Variants in ARID3A observed in about 807,000 individuals in gnomAD.
The protein encoded by ARID3A is AT-rich interactive domain-containing protein 3A.
Under a neutral mutation model 52.7 loss-of-function variants are expected in ARID3A, and 11 were observed. The observed-to-expected ratio is 0.21, with a 90% confidence interval of 0.13 to 0.35. The LOEUF is 0.35. Among genes scored for constraint, ARID3A ranks in the 10% least tolerant of loss-of-function variants. The pLI is 1.00. For missense variants in ARID3A, 721 were observed against 838.5 expected (o/e 0.86, Z 1.73); for synonymous variants, 404 against 359.4 (o/e 1.12, Z -1.40).
rs191841959 is a variant in ARID3A at position 970,593 on chromosome 19, G to A, written c.1595-1285G>A. Among the ~76,000 whole-genome samples, 17 of 127,250 alleles carry A rather than the reference G, an allele frequency of 1.3e-4. No individual in the cohort carries two copies. In the East Asian group the frequency reaches 2.7e-3, roughly 21 times the overall value. 83.5% of individuals were successfully genotyped at this position (127,250 alleles called of 152,430 possible). On this transcript the variant is annotated intron_variant, in intron 8 of 8. Coordinates refer to ENST00000263620, the MANE Select transcript of ARID3A (RefSeq NM_005224.3). ...CATGATCTCAGCTCCTGCAACCTCCGCCTCCTGAGTAGCTGGGATTACAGG... is the reference window on the plus strand; with the variant it reads ...CATGATCTCAGCTCCTGCAACCTCCACCTCCTGAGTAGCTGGGATTACAGG...
intron 3 of ARID3A, among the ~76,000 whole-genome samples, chr19:957,610 A>C (rs1356276975): frequency 6.6e-6 from 1 of 152,210 alleles, no homozygotes; most frequent in East Asian, 1.9e-4. Context: ...AGAAGGCAAC[A>C]CGTGAGGATC....
At chr19:961,852 G>A (rs996528316) in intron 4 of ARID3A, 1 of 152,280 alleles carries the variant, frequency 6.6e-6, no homozygotes, top group Non-Finnish European at 1.5e-5. Context: ...CCAGGAGGCA[G>A]AGGTTGCAGT....
rs2037483530 is a variant in ARID3A at position 938,593 on chromosome 19, C to T, written c.693+5851C>T. Among the ~76,000 whole-genome samples the T allele has an allele frequency of 1.3e-5, 2 of 152,326 alleles. No individual in the cohort carries two copies. The highest frequency in any genetic ancestry group is 4.1e-4 in the South Asian group (2 of 4,828). ...TTTTGGGGAAGCTCAGCTGCCCCTC[C>T]GTTTTTCTTTTTGTCTGGAATGAAA... On this transcript the variant is annotated intron_variant, in intron 3 of 8. Transcript: ENST00000263620. This position sits in a 1 kb window ranked among gnomAD's most constrained non-coding sequence, Gnocchi z 4.0.
rs557127963 is a variant in ARID3A, at chr19:932,755, G to A, written c.693+13G>A. On this transcript the variant is annotated intron_variant, in intron 3 of 8. Transcript: ENST00000263620. ...GCAGTTTAAGCAGGTGAGTGGGCGC[G>A]TCCCGCGTGGCGGCTGAGGCACCTG... 263 of 1,546,218 alleles carry A rather than the reference G, an allele frequency of 1.7e-4. No individual in the cohort carries two copies. Among genetic ancestry groups the A allele is most frequent in the Non-Finnish European group, 2.1e-4 (235 of 1,146,240 alleles).
chr19:932,756 T>C lies in ARID3A; in HGVS notation c.693+14T>C, dbSNP rs1240498205. The C allele has an allele frequency of 5.2e-6, 8 of 1,546,326 alleles. No individual in the cohort carries two copies. In the Admixed American group the frequency reaches 5.9e-5, roughly 11 times the overall value. On this transcript the variant is annotated intron_variant, in intron 3 of 8. Transcript: ENST00000263620. ...CAGTTTAAGCAGGTGAGTGGGCGCGTCCCGCGTGGCGGCTGAGGCACCTGC... is the reference window on the plus strand; with the variant it reads ...CAGTTTAAGCAGGTGAGTGGGCGCGCCCCGCGTGGCGGCTGAGGCACCTGC...
chr19:930,445 G>A (rs1476803793), intron 2 of ARID3A, among the ~76,000 whole-genome samples: 1 of 150,952 alleles, frequency 6.6e-6, no homozygotes, highest in Admixed American at 6.6e-5. Context: ...CCAGCTACTC[G>A]GGAGGCTGAG....
In ARID3A at chr19:929,507, T is replaced by C. The variant is rs1407558352; in HGVS notation, c.-22T>C. The C allele has an allele frequency of 3.1e-6, 4 of 1,304,504 alleles. No individual in the cohort carries two copies. The highest frequency in any genetic ancestry group is 4.0e-6 in the Non-Finnish European group (4 of 1,005,224). 80.8% of individuals were successfully genotyped at this position (1,304,504 alleles called of 1,614,324 possible). ...GTGGTGGTGGTGGTGGTGGTGGTGG[T>C]GGTGGCCCGGGCCGCAGGGCCATGA... On this transcript the variant is annotated 5_prime_UTR_variant, in exon 2 of 9. Coordinates refer to ENST00000263620, the MANE Select transcript of ARID3A (RefSeq NM_005224.3). This position sits in a 1 kb window ranked among gnomAD's most constrained non-coding sequence, Gnocchi z 6.2.
chr19:929,769 T>C lies in ARID3A; in HGVS notation c.241T>C (p.Ser81Pro). 6.4e-7 allele frequency: 1 copy of C among 1,552,824 alleles called. No homozygotes were observed. ...GLGHPASPGG[S>P]EDGPPGSEEE... ...GGGACACCCAGCCAGCCCCGGCGGC[T>C]CTGAGGATGGGCCCCCAGGCTCGGA... The change falls in exon 2 of 9, where the codon TCT becomes CCT. Residue 81 changes from serine to proline, a missense_variant. Physicochemically the swap from Ser to Pro is moderately conservative, Grantham distance 74. This residue lies in a region of ARID3A where 349 missense variants were observed against 297.3 expected (regional missense o/e 1.17). Coordinates refer to ENST00000263620, the MANE Select transcript of ARID3A (RefSeq NM_005224.3). This position sits in a 1 kb window ranked among gnomAD's most constrained non-coding sequence, Gnocchi z 6.2.
Position 974,187 on chromosome 19 carries a change from C to A in ARID3A, c.*2122C>A. On this transcript the variant is annotated 3_prime_UTR_variant, in exon 9 of 9. Transcript: ENST00000263620. ...GAGCCCCTGAGTCTAGGTTCACTTTCCCGTCGGGCTGTGGGAGGGGACTGT... is the reference window on the plus strand; with the variant it reads ...GAGCCCCTGAGTCTAGGTTCACTTTACCGTCGGGCTGTGGGAGGGGACTGT... 1 of 225,350 alleles carries A rather than the reference C, an allele frequency of 4.4e-6. No individual in the cohort carries two copies. The highest frequency in any genetic ancestry group is 8.8e-6 in the Non-Finnish European group (1 of 113,100). The allele number at this position is 225,350 out of a possible 1,614,324, so 14.0% of individuals were successfully genotyped here.
intron 1 of ARID3A, among the ~76,000 whole-genome samples, chr19:926,549 G>A (rs551047496): frequency 1.8e-4 from 27 of 151,916 alleles, no homozygotes; most frequent in Non-Finnish European, 2.9e-4. Flanking sequence ...CGAAATCAGG[G>A]ATTTATTCGG....
At chr19:932,324 G>A in intron 2 of ARID3A, 94 bp from the exon 3 acceptor site, 1 of 1,554,404 alleles carries the variant, frequency 6.4e-7, no homozygotes, top group South Asian at 1.2e-5. Context: ...TATTTCCAGA[G>A]AGGGAAACTG....
At chr19:932,154 G>A (rs535031944) in intron 2 of ARID3A, among the ~76,000 whole-genome samples, 263 of 152,256 alleles carry the variant, frequency 1.7e-3, no homozygotes, top group Middle Eastern at 0.01. Flanking sequence ...GTGCGCCACC[G>A]TGGCTGCCTG....
rs773591927 is a variant in ARID3A, at chr19:966,846, G to A, written c.1473G>A (p.Met491Ile). The A allele has an allele frequency of 6.2e-7, 1 of 1,610,910 alleles. No homozygotes were observed. Among genetic ancestry groups the A allele is most frequent in the Non-Finnish European group, 8.5e-7 (1 of 1,177,982 alleles). ...TGGCCATGGCGGCCCAGCTGCCCAT[G>A]AGCATTCGGATCAACAGCCAAGGTA... is the stretch of plus-strand genomic sequence containing the variant. ...NFLAMAAQLP[M>I]SIRINSQASE... Residue 491 changes from methionine to isoleucine, a missense_variant, in exon 7 of 9, where the codon ATG becomes ATA. By Grantham distance (10) the Met-to-Ile change is conservative (BLOSUM62 1). Transcript: ENST00000263620.
Position 941,018 on chromosome 19 carries a change from G to A in ARID3A, c.693+8276G>A, listed in dbSNP as rs1026316664. ...CGGAAGAGCCTTATCTGGCCCCTGC[G>A]CCACCGCCTGGCCGTCGGGTCACCG... is the stretch of plus-strand genomic sequence containing the variant. On this transcript the variant is annotated intron_variant, in intron 3 of 8. Coordinates refer to ENST00000263620, the MANE Select transcript of ARID3A (RefSeq NM_005224.3). This position sits in a 1 kb window ranked among gnomAD's most constrained non-coding sequence, Gnocchi z 6.9. Among the ~76,000 whole-genome samples the A allele has an allele frequency of 2.6e-5, 4 of 152,032 alleles. No homozygotes were observed. Among genetic ancestry groups the A allele is most frequent in the African/African-American group, 7.2e-5 (3 of 41,428 alleles).
chr19:958,690 G>A (rs1019202933), intron 3 of ARID3A, among the ~76,000 whole-genome samples: 6 of 151,856 alleles, frequency 4.0e-5, no homozygotes, highest in Admixed American at 6.6e-5. Context: ...TCAGGAGATC[G>A]AGACCATCCT....
rs563458790 is a variant in ARID3A, at chr19:964,089, C to G, written c.767-159C>G. 6.6e-6 allele frequency among the ~76,000 whole-genome samples: 1 copy of G among 152,322 alleles called. No individual in the cohort carries two copies. The highest frequency in any genetic ancestry group is 1.9e-4 in the East Asian group (1 of 5,186). ...GCAGAGGTTCCCAGCCTGGATGATCCTGCACCCACAGAGGGCCCTGGGCAA... is the reference window on the plus strand; with the variant it reads ...GCAGAGGTTCCCAGCCTGGATGATCGTGCACCCACAGAGGGCCCTGGGCAA... On this transcript the variant is annotated intron_variant, in intron 4 of 8. Coordinates refer to ENST00000263620, the MANE Select transcript of ARID3A (RefSeq NM_005224.3). The surrounding 1 kb of genome is among the most constrained non-coding windows in gnomAD (Gnocchi z 5.7).
chr19:930,549 G>A (rs147779856), intron 2 of ARID3A, among the ~76,000 whole-genome samples: 1,778 of 144,286 alleles, frequency 0.012, 39 homozygotes, highest in African/African-American at 0.044. Flanking sequence ...TGCTCTTTTC[G>A]CCCAGGCTGG....
chr19:965,864 C>T (rs146456577), intron 6 of ARID3A, among the ~76,000 whole-genome samples: 2,599 of 151,900 alleles, frequency 0.017, 64 homozygotes, highest in African/African-American at 0.059. Flanking sequence ...TGGTGGCACA[C>T]ACCTGTAGTC....
chr19:974,581 C>G lies in ARID3A; in HGVS notation c.*2516C>G, dbSNP rs1475861659. 4.3e-6 allele frequency: 1 copy of G among 230,128 alleles called. No homozygotes were observed. The highest frequency in any genetic ancestry group is 5.7e-5 in the Admixed American group (1 of 17,652). The allele number at this position is 230,128 out of a possible 1,614,324, so 14.3% of individuals were successfully genotyped here. A position where few individuals can be genotyped will look rare whatever the true frequency, so the allele number is the denominator to read the frequency against. On this transcript the variant is annotated 3_prime_UTR_variant, in exon 9 of 9. Transcript: ENST00000263620. ...TCTGAGCCCCTGGGGTGCCTCTCCC[C>G]CGCCTCCCGTGCACCAGGGTCTGCA... is the stretch of plus-strand genomic sequence containing the variant.
Sources: allele counts gnomAD v4.1 joint callset (sites outside exome capture counted in the v4.1 genomes callset), GRCh38; gene constraint gnomAD v4.1.1; regional missense constraint gnomAD v4.1.1; non-coding constraint Gnocchi (gnomAD v3.1); transcripts MANE v1.5; gene names NCBI Gene and HGNC (gene_info 2026-07-23, HGNC 2026-07-21).